The following VASH1 variants were observed in gnomAD, a reference collection of about 807,000 sequenced individuals.
VASH1 encodes vasohibin 1, also known as tubulinyl-Tyr carboxypeptidase 1.
A neutral mutation model predicts 35.0 loss-of-function variants in VASH1; 16 were observed. The ratio of observed to expected loss-of-function variants is 0.46; its 90% CI spans 0.31 to 0.70. The LOEUF (loss-of-function observed/expected upper bound fraction) is 0.70. VASH1 is among the 30% of genes least tolerant of loss of function. The probability of loss-of-function intolerance (pLI) is 0.05; values close to 1 mark genes in which losing one functional copy is unlikely to be tolerated. For missense variants in VASH1, 505 were observed against 510.7 expected, an observed-to-expected ratio of 0.99 and a Z score of 0.11; for synonymous variants, 214 against 200.9, an observed-to-expected ratio of 1.07 and a Z score of -0.55.
In VASH1 at chr14:76,778,993, T is replaced by G. The variant is rs1048082716; in HGVS notation, c.1073T>G (p.Leu358Arg). ...KTSEPKAMPDLNGYQIRV is the reference protein window; with the variant it reads ...KTSEPKAMPDRNGYQIRV ...TCCGAGCCCAAAGCCATGCCAGACC[T>G]TAACGGGTACCAGATCCGGGTCTGA... Residue 358 changes from leucine (L) to arginine (R), a missense_variant, in exon 7 of 7, where the codon CTT becomes CGT. Physicochemically the swap from Leu to Arg is moderately radical, Grantham distance 102 (BLOSUM62 -2). Coordinates refer to ENST00000167106, the MANE Select transcript of VASH1 (RefSeq NM_014909.5). 6.2e-7 allele frequency: 1 copy of G among 1,614,026 alleles called. No individual in the cohort carries two copies. Among genetic ancestry groups the G allele is most frequent in the African/African-American group, 1.3e-5 (1 of 74,942 alleles).
Position 76,762,438 on chromosome 14 carries a change from C to G in VASH1, c.-384C>G, listed in dbSNP as rs117247372. The G allele has an allele frequency of 6.0e-6, 1 of 166,414 alleles. No individual in the cohort carries two copies. The highest frequency in any genetic ancestry group is 2.4e-5 in the African/African-American group (1 of 42,104). The allele number at this position is 166,414 out of a possible 1,614,324, so 10.3% of individuals were successfully genotyped here. A position where few individuals can be genotyped will look rare whatever the true frequency, so the allele number is the denominator to read the frequency against. Reference sequence around the variant, plus strand: ...GCCTTGACTCTGTCCTTTCTGCAGCCGCTGGTCCGAGCTGTCTGGCCTCAG... The same window carrying G: ...GCCTTGACTCTGTCCTTTCTGCAGCGGCTGGTCCGAGCTGTCTGGCCTCAG... On this transcript the variant is annotated 5_prime_UTR_variant, in exon 1 of 7. Coordinates refer to ENST00000167106, the MANE Select transcript of VASH1 (RefSeq NM_014909.5).
chr14:76,774,731 T>G (rs1183887525), intron 4 of VASH1: 1 of 152,338 alleles, frequency 6.6e-6, no homozygotes, highest in African/African-American at 2.4e-5. Context: ...CTTGGTCACT[T>G]ACAAGGAGTC....
chr14:76,779,030 G>C lies in VASH1; in HGVS notation c.*12G>C. On this transcript the variant is annotated 3_prime_UTR_variant, in exon 7 of 7. Coordinates refer to ENST00000167106, the MANE Select transcript of VASH1 (RefSeq NM_014909.5). Reference sequence around the variant, plus strand: ...AGATCCGGGTCTGAGGCGGATGCCAGCACCCCAGGCCCCACCCACTCTTGG... The same window carrying C: ...AGATCCGGGTCTGAGGCGGATGCCACCACCCCAGGCCCCACCCACTCTTGG... 1 of 1,613,696 alleles carries C rather than the reference G, an allele frequency of 6.2e-7. No homozygotes were observed. Among genetic ancestry groups the C allele is most frequent in the Middle Eastern group, 1.6e-4 (1 of 6,062 alleles).
chr14:76,776,030 C>T lies in VASH1; in HGVS notation c.669C>T (p.Arg223=), dbSNP rs1278946272. 5.0e-6 allele frequency: 8 copies of T among 1,612,154 alleles called. No homozygotes were observed. Among genetic ancestry groups the T allele is most frequent in the African/African-American group, 1.3e-5 (1 of 74,946 alleles). Residue 223 remains arginine (R), a synonymous_variant, in exon 5 of 7, where the codon CGC becomes CGT. Coordinates refer to ENST00000167106, the MANE Select transcript of VASH1 (RefSeq NM_014909.5). ...GRYGALGMSR[R]EDLMYKPPAF... is the part of the protein sequence containing the mutation. ...ACGGTGCGCTGGGCATGAGTCGGCGCGAGGACCTGATGTACAAGCCGCCCG... is the reference window on the plus strand; with the variant it reads ...ACGGTGCGCTGGGCATGAGTCGGCGTGAGGACCTGATGTACAAGCCGCCCG...
At chr14:76,768,978 C>T (rs1893718553) in intron 1 of VASH1, among the ~76,000 whole-genome samples, 1 of 152,204 alleles carries the variant, frequency 6.6e-6, no homozygotes, top group African/African-American at 2.4e-5. Flanking sequence ...GTTCTGAAAC[C>T]TCGGAGGACC....
chr14:76,766,262 T>C (rs1893638357), intron 1 of VASH1, among the ~76,000 whole-genome samples: 1 of 152,152 alleles, frequency 6.6e-6, no homozygotes, highest in African/African-American at 2.4e-5. Context: ...TTAGGCTCCT[T>C]GATAAGAGTC....
Position 76,761,474 on chromosome 14 carries a change from C to G in VASH1, c.-1348C>G, listed in dbSNP as rs1004385087. ...GACGGAGCGCATGCGCGGCGCGGGC[C>G]GTAGTCGAGCCTGGTGGGCGGCTGG... On this transcript the variant is annotated 5_prime_UTR_variant, in exon 1 of 7. Coordinates refer to ENST00000167106, the MANE Select transcript of VASH1 (RefSeq NM_014909.5). 6.5e-6 allele frequency: 1 copy of G among 152,708 alleles called. No homozygotes were observed. Among genetic ancestry groups the G allele is most frequent in the Non-Finnish European group, 1.5e-5 (1 of 68,124 alleles). 9.5% of individuals were successfully genotyped at this position (152,708 alleles called of 1,614,324 possible). A position where few individuals can be genotyped will look rare whatever the true frequency, so the allele number is the denominator to read the frequency against.
At position 76,782,783 on chromosome 14, in the gene VASH1, A is replaced by C. The variant is rs1464324169; in HGVS notation, c.*3765A>C. ...AGTTTCCTTTTCATCAAATCTGACAAGAGAGAAGAAACATGGGTGTGCTTG... is the reference window on the plus strand; with the variant it reads ...AGTTTCCTTTTCATCAAATCTGACACGAGAGAAGAAACATGGGTGTGCTTG... On this transcript the variant is annotated 3_prime_UTR_variant, in exon 7 of 7. Coordinates refer to ENST00000167106, the MANE Select transcript of VASH1 (RefSeq NM_014909.5). 1 of 152,698 alleles carries C rather than the reference A, an allele frequency of 6.5e-6. No individual in the cohort carries two copies. Among genetic ancestry groups the C allele is most frequent in the Non-Finnish European group, 1.5e-5 (1 of 68,090 alleles). 9.5% of individuals were successfully genotyped at this position (152,698 alleles called of 1,614,324 possible). A position where few individuals can be genotyped will look rare whatever the true frequency, so the allele number is the denominator to read the frequency against.
rs1053394372 is a variant in VASH1, at chr14:76,782,734, C to A, written c.*3716C>A. 2 of 152,704 alleles carry A rather than the reference C, an allele frequency of 1.3e-5. No homozygotes were observed. The highest frequency in any genetic ancestry group is 1.3e-4 in the Admixed American group (2 of 15,286). 9.5% of individuals were successfully genotyped at this position (152,704 alleles called of 1,614,324 possible). A position where few individuals can be genotyped will look rare whatever the true frequency, so the allele number is the denominator to read the frequency against. ...GTCCATCAGTATTGACCGTCTCGCT[C>A]CATCTTGGTCCTCCGGAGTCCCAAG... On this transcript the variant is annotated 3_prime_UTR_variant, in exon 7 of 7. Coordinates refer to ENST00000167106, the MANE Select transcript of VASH1 (RefSeq NM_014909.5).
intron 2 of VASH1, among the ~76,000 whole-genome samples, chr14:76,770,388 C>G (rs180704012): frequency 6.6e-6 from 1 of 152,238 alleles, no homozygotes; most frequent in African/African-American, 2.4e-5. Context: ...TGTTGTCCAC[C>G]CAGCCCTAGC....
rs1312544196 is a variant in VASH1 at position 76,761,867 on chromosome 14, C to T, written c.-955C>T. Among the ~76,000 whole-genome samples, 2 of 151,726 alleles carry T rather than the reference C, an allele frequency of 1.3e-5. No homozygotes were observed. Among genetic ancestry groups the T allele is most frequent in the Non-Finnish European group, 2.9e-5 (2 of 67,888 alleles). On this transcript the variant is annotated 5_prime_UTR_variant, in exon 1 of 7. Transcript: ENST00000167106. The stretch of plus-strand genomic sequence containing the variant: ...CCAGGCAGCGACCCCGCGGCCGCAG[C>T]CCGCCGCTCAGTGACCTCAGCCTGG...
In VASH1 at chr14:76,763,080, G is replaced by A; in HGVS notation, c.259G>A (p.Asp87Asn). Residue 87 changes from aspartate (D) to asparagine (N), a missense_variant, in exon 1 of 7, where the codon GAT becomes AAT. Coordinates refer to ENST00000167106, the MANE Select transcript of VASH1 (RefSeq NM_014909.5). ...MWKHVAKIHP[D>N]GEKVAQRIRG... ...GAAACACGTGGCCAAGATCCACCCCGATGGAGAGAAGGTGGCGCAACGGAT... is the reference window on the plus strand; with the variant it reads ...GAAACACGTGGCCAAGATCCACCCCAATGGAGAGAAGGTGGCGCAACGGAT... 2 of 1,518,610 alleles carry A rather than the reference G, an allele frequency of 1.3e-6. No homozygotes were observed. Among genetic ancestry groups the A allele is most frequent in the Non-Finnish European group, 1.8e-6 (2 of 1,128,556 alleles). 94.1% of individuals were successfully genotyped at this position (1,518,610 alleles called of 1,614,324 possible). A position where few individuals can be genotyped will look rare whatever the true frequency, so the allele number is the denominator to read the frequency against.
Position 76,782,427 on chromosome 14 carries a change from C to T in VASH1, c.*3409C>T, listed in dbSNP as rs1258939151. The T allele has an allele frequency of 1.3e-5, 2 of 152,252 alleles. No individual in the cohort carries two copies. Among genetic ancestry groups the T allele is most frequent in the Non-Finnish European group, 1.5e-5 (1 of 68,072 alleles). The allele number at this position is 152,252 out of a possible 1,614,324, so 9.4% of individuals were successfully genotyped here. Reference sequence around the variant, plus strand: ...AGGAGTCCGTCTCATTCTGGCTGGTCGAGTGACCAGAGGCCTGTGTGAATG... The same window carrying T: ...AGGAGTCCGTCTCATTCTGGCTGGTTGAGTGACCAGAGGCCTGTGTGAATG... On this transcript the variant is annotated 3_prime_UTR_variant, in exon 7 of 7. Transcript: ENST00000167106.
At chr14:76,775,266 A>T (rs1893903354) in intron 4 of VASH1, among the ~76,000 whole-genome samples, 1 of 152,186 alleles carries the variant, frequency 6.6e-6, no homozygotes, top group Admixed American at 6.5e-5. Flanking sequence ...AGCAGCAGCC[A>T]ACTTTGGCAG....
chr14:76,771,350 C>T (rs956578223), intron 3 of VASH1, 104 bp downstream of exon 3: 8 of 1,146,628 alleles, frequency 7.0e-6, no homozygotes, highest in South Asian at 5.8e-5. Context: ...GTCAGGGACT[C>T]TTCTGAAGGA....
intron 5 of VASH1, among the ~76,000 whole-genome samples, chr14:76,777,024 C>T (rs935761027): frequency 6.6e-6 from 1 of 152,158 alleles, no homozygotes; most frequent in African/African-American, 2.4e-5. Context: ...GGTTGGAAGC[C>T]CAGAGTCTTG....
chr14:76,770,071 G>A lies in VASH1; in HGVS notation c.398+20G>A, dbSNP rs764002403. The A allele has an allele frequency of 1.9e-6, 3 of 1,608,296 alleles. No homozygotes were observed. The highest frequency in any genetic ancestry group is 1.7e-6 in the Non-Finnish European group (2 of 1,175,930). ...GCTGCAGTATCCTCTCTGGTCAAGG[G>A]TCATGGCCACCTTCTGGCCGGTGTG... is the stretch of plus-strand genomic sequence containing the variant. On this transcript the variant is annotated intron_variant, in intron 2 of 6. Transcript: ENST00000167106.
chr14:76,774,053 T>G (rs1438097902), intron 4 of VASH1: 1 of 152,228 alleles, frequency 6.6e-6, no homozygotes, highest in Non-Finnish European at 1.5e-5. Context: ...CCCACTGGGC[T>G]CAGTGCTGCA....
intron 1 of VASH1, 55 bp downstream of exon 1, chr14:76,763,185 G>T: frequency 7.3e-7 from 1 of 1,369,764 alleles, no homozygotes. Flanking sequence ...AGTGACCTTG[G>T]GGCCAAGAGT....
Sources: allele counts gnomAD v4.1 joint callset (sites outside exome capture counted in the v4.1 genomes callset), GRCh38; gene constraint gnomAD v4.1.1; transcripts MANE v1.5; gene names NCBI Gene and HGNC (gene_info 2026-07-23, HGNC 2026-07-21).